The following DHRSX variants were observed in gnomAD, a reference collection of about 807,000 sequenced individuals.
DHRSX encodes dehydrogenase/reductase X-linked.
Under a neutral mutation model 34.0 loss-of-function variants are expected in DHRSX, and 31 were observed. That is an observed-to-expected ratio of 0.91 (90% CI 0.69 to 1.23). The LOEUF is 1.23. Ranked by LOEUF, DHRSX falls within the 50% of genes most tolerant of loss-of-function variation. DHRSX has a pLI of 0.00. For synonymous variants in DHRSX, 201 were observed against 183.8 expected, an observed-to-expected ratio of 1.09 and a Z score of -0.76; for missense variants, 414 against 428.1, an observed-to-expected ratio of 0.97 and a Z score of 0.29.
Position 2,233,767 on chromosome X carries a change from GA to G in DHRSX, c.804+9255del, listed in dbSNP as rs986420264. ...GGTGGATGGTGAGGCACAAGTGCAG[GA>G]AAAAAAAAAGATGAAACACACACAA... On this transcript the variant is annotated intron_variant, in intron 6 of 6. Coordinates refer to ENST00000334651, the MANE Select transcript of DHRSX (RefSeq NM_145177.3). 7.5e-5 allele frequency among the ~76,000 whole-genome samples: 11 copies of G among 146,600 alleles called. 1 individual carries two copies. Among genetic ancestry groups the G allele is most frequent in the Admixed American group, 4.1e-4 (6 of 14,736 alleles).
At chrX:2,462,114 C>T (rs906623466) in intron 1 of DHRSX, among the ~76,000 whole-genome samples, 4 of 150,882 alleles carry the variant, frequency 2.7e-5, no homozygotes, top group African/African-American at 9.8e-5. Context: ...TAAGGAAACA[C>T]AGAGCCCCCA....
chrX:2,343,593 T>C (rs191977238), intron 3 of DHRSX, among the ~76,000 whole-genome samples: 267 of 152,306 alleles, frequency 1.8e-3, no homozygotes, highest in African/African-American at 6.1e-3. Flanking sequence ...ACAGATGCCA[T>C]CTTGCTGTCA....
At chrX:2,490,958 G>A (rs140702900) in intron 1 of DHRSX, among the ~76,000 whole-genome samples, 2,814 of 152,148 alleles carry the variant, frequency 0.018, 91 homozygotes, top group African/African-American at 0.063. Context: ...GCAGGAATAC[G>A]CTCTTTCTTC....
At chrX:2,491,467 A>C (rs1290984310) in intron 1 of DHRSX, among the ~76,000 whole-genome samples, 1 of 152,078 alleles carries the variant, frequency 6.6e-6, no homozygotes, top group African/African-American at 2.4e-5. Context: ...TTTTCTGGGG[A>C]TGAAGCCTAC....
At chrX:2,276,857 C>T (rs751692432) in intron 4 of DHRSX, among the ~76,000 whole-genome samples, 3 of 68,698 alleles carry the variant, frequency 4.4e-5, no homozygotes, top group East Asian at 3.4e-4. Flanking sequence ...GGAGGGCAAA[C>T]GAGAGGGAGA....
intron 3 of DHRSX, among the ~76,000 whole-genome samples, chrX:2,292,729 C>G (rs2041881184): frequency 6.6e-6 from 1 of 152,002 alleles, no homozygotes; most frequent in Non-Finnish European, 1.5e-5. Context: ...GGCTCAGAAG[C>G]AAGGACTTCC....
chrX:2,237,134 C>A (rs971245310), intron 6 of DHRSX, among the ~76,000 whole-genome samples: 1 of 151,886 alleles, frequency 6.6e-6, no homozygotes, highest in African/African-American at 2.4e-5. Context: ...TGCAGTGAGC[C>A]GAGATCGCAC....
intron 3 of DHRSX, among the ~76,000 whole-genome samples, chrX:2,408,110 T>C (rs2043580841): frequency 6.9e-6 from 1 of 145,514 alleles, no homozygotes; most frequent in African/African-American, 2.6e-5. Flanking sequence ...TTTATCTTTT[T>C]TTCTTTCTTT....
intron 3 of DHRSX, among the ~76,000 whole-genome samples, chrX:2,311,432 G>GA (rs2042164544): frequency 6.6e-6 from 1 of 152,140 alleles, no homozygotes; most frequent in Non-Finnish European, 1.5e-5. Flanking sequence ...GCTGTCCTCA[G>GA]AAACCACCTT....
rs374654496 is a variant in DHRSX, at chrX:2,346,852, A to G, written c.287-55249T>C. ...GTGTGATGTTCCCCTCCCTGTGTCC[A>G]TGTGTTCTCATTGTTCAACTCCCAC... On this transcript the variant is annotated intron_variant, in intron 3 of 6. Coordinates refer to ENST00000334651, the MANE Select transcript of DHRSX (RefSeq NM_145177.3). Among the ~76,000 whole-genome samples, 406 of 150,168 alleles carry G rather than the reference A, an allele frequency of 2.7e-3. 6 individuals are homozygous for G. The highest frequency in any genetic ancestry group is 8.9e-3 in the African/African-American group (361 of 40,712).
At chrX:2,475,563 A>G (rs1462544587) in intron 1 of DHRSX, among the ~76,000 whole-genome samples, 1 of 151,950 alleles carries the variant, frequency 6.6e-6, no homozygotes, top group African/African-American at 2.4e-5. Context: ...GACCGCCGCC[A>G]GGTACACAAT....
intron 2 of DHRSX, among the ~76,000 whole-genome samples, chrX:2,412,786 A>G (rs1307453913): frequency 2.0e-5 from 3 of 152,250 alleles, no homozygotes; most frequent in African/African-American, 7.2e-5. Context: ...CTGTGATACA[A>G]CATGGATCAA....
intron 1 of DHRSX, chrX:2,490,537 G>A: frequency 6.2e-7 from 1 of 1,614,002 alleles, no homozygotes; most frequent in Non-Finnish European, 8.5e-7. Context: ...AGGACAGGTT[G>A]GAGGTGTTTC....
chrX:2,476,709 A>G (rs964594578), intron 1 of DHRSX, among the ~76,000 whole-genome samples: 2 of 152,220 alleles, frequency 1.3e-5, no homozygotes, highest in Non-Finnish European at 2.9e-5. Context: ...CATTCTTGAA[A>G]AAGAATGGGA....
At chrX:2,269,283 TAG>T (rs1160531367) in intron 4 of DHRSX, among the ~76,000 whole-genome samples, 3 of 152,254 alleles carry the variant, frequency 2.0e-5, no homozygotes, top group Non-Finnish European at 4.4e-5. Context: ...CACAAATATA[TAG>T]AGGTCTAGCA....
Position 2,221,227 on chromosome X carries a change from G to T in DHRSX, c.807C>A (p.Thr269=). The T allele has an allele frequency of 1.9e-6, 3 of 1,612,198 alleles. No homozygotes were observed. Among genetic ancestry groups the T allele is most frequent in the Non-Finnish European group, 2.5e-6 (3 of 1,179,074 alleles). Residue 269 remains threonine (T), a splice_region_variant and synonymous_variant, in exon 7 of 7, where the codon ACC becomes ACA. Transcript: ENST00000334651. ...KKLLGWLLFK[T]PDEGAWTSIY... is the part of the protein sequence containing the mutation. ...TGGAAGTCCACGCTCCTTCATCGGG[G>T]GTCTGGTGGAAGAAGAAAAGAAGGC...
chrX:2,362,058 A>T (rs950538949), intron 3 of DHRSX, among the ~76,000 whole-genome samples: 1 of 152,222 alleles, frequency 6.6e-6, no homozygotes, highest in Non-Finnish European at 1.5e-5. Flanking sequence ...TTCATTTTCA[A>T]ATTCAAAGAA....
At position 2,375,630 on chromosome X, in the gene DHRSX, G is replaced by T. The variant is rs1306292054; in HGVS notation, c.286+33115C>A. Among the ~76,000 whole-genome samples the T allele has an allele frequency of 1.5e-5, 2 of 135,184 alleles. 1 individual carries two copies. The highest frequency in any genetic ancestry group is 1.5e-4 in the Admixed American group (2 of 13,538). 88.7% of individuals were successfully genotyped at this position (135,184 alleles called of 152,430 possible). On this transcript the variant is annotated intron_variant, in intron 3 of 6. Coordinates refer to ENST00000334651, the MANE Select transcript of DHRSX (RefSeq NM_145177.3). ...GGTTGGTTGGTCGGTTGGTTGGTTG[G>T]TTGGCTGGTTGGTTGGTTTTTGAGA...
intron 1 of DHRSX, among the ~76,000 whole-genome samples, chrX:2,486,148 C>G (rs2044922756): frequency 1.3e-5 from 2 of 151,954 alleles, no homozygotes; most frequent in Non-Finnish European, 2.9e-5. Context: ...AAGGAACCGG[C>G]AAAAATCTCT....
Sources: gnomAD v4.1 joint callset for allele counts (sites outside exome capture counted in the v4.1 genomes callset) on GRCh38, gnomAD v4.1.1 for gene constraint, MANE v1.5 for transcripts, NCBI Gene and HGNC (gene_info 2026-07-23, HGNC 2026-07-21) for gene names.